The following MOB3C variants were observed in gnomAD, a reference collection of about 807,000 sequenced individuals.
The protein encoded by MOB3C is MOB kinase activator 3C.
MOB3C carries 17 observed loss-of-function variants against 19.8 expected under a neutral mutation model. That is an observed-to-expected ratio of 0.86 (90% confidence interval 0.59 to 1.29). MOB3C has a LOEUF of 1.29. Ranked by LOEUF, MOB3C falls within the 50% of genes most tolerant of loss-of-function variation. The probability of loss-of-function intolerance (pLI) is 0.00; values close to 1 mark genes in which losing one functional copy is unlikely to be tolerated. For synonymous variants in MOB3C, 101 were observed against 119.2 expected, an observed-to-expected ratio of 0.85 and a Z score of 0.99; for missense variants, 291 against 301.9, an observed-to-expected ratio of 0.96 and a Z score of 0.27.
In MOB3C at chr1:46,611,101, G is replaced by C. The variant is rs1024645161; in HGVS notation, c.419-897C>G. On this transcript the variant is annotated intron_variant, in intron 2 of 3. Transcript: ENST00000319928. This position sits in a 1 kb window ranked among gnomAD's most constrained non-coding sequence, Gnocchi z 4.1. Reference sequence around the variant, plus strand: ...CCCAATCCTGGAAATTATGAATTCTGCAAGAGTTAGTTCAGACAGCCCTCA... The same window carrying C: ...CCCAATCCTGGAAATTATGAATTCTCCAAGAGTTAGTTCAGACAGCCCTCA... 6.6e-6 allele frequency among the ~76,000 whole-genome samples: 1 copy of C among 152,156 alleles called. No homozygotes were observed. The highest frequency in any genetic ancestry group is 2.4e-5 in the African/African-American group (1 of 41,430).
rs1461528456 is a variant in MOB3C, at chr1:46,609,479, C to A, written c.*176G>T. The stretch of plus-strand genomic sequence containing the variant: ...CCTAGATGCTCTCCCCTTCTCCATC[C>A]ACAAGCGGTCAGGGCGACAGGTAGG... On this transcript the variant is annotated 3_prime_UTR_variant, in exon 4 of 4. Coordinates refer to ENST00000319928, the MANE Select transcript of MOB3C (RefSeq NM_201403.3). The A allele has an allele frequency of 9.3e-6, 7 of 753,892 alleles. No homozygotes were observed. The Admixed American group carries it at 1.3e-4, about 14-fold the overall frequency. The allele number at this position is 753,892 out of a possible 1,614,324, so 46.7% of individuals were successfully genotyped here.
At chr1:46,614,706 T>C in intron 1 of MOB3C, 1 of 409,958 alleles carries the variant, frequency 2.4e-6, no homozygotes, top group East Asian at 4.2e-5. Context: ...CTTTCTCACA[T>C]CTCTGGTAAC....
At position 46,613,133 on chromosome 1, in the gene MOB3C, G is replaced by A. The variant is rs936571990; in HGVS notation, c.189C>T (p.His63=). 7 of 1,614,146 alleles carry A rather than the reference G, an allele frequency of 4.3e-6. No homozygotes were observed. The highest frequency in any genetic ancestry group is 1.1e-5 in the South Asian group (1 of 91,094). ...TGATGCGGTTGAAGAAGTCCACCAC[G>A]TGCACGGCGATCCAGTCGTCGATGT... The part of the protein sequence containing the change: ...GENIDDWIAV[H]VVDFFNRINL... The change falls in exon 2 of 4, where the codon CAC becomes CAT. Residue 63 remains histidine, a synonymous_variant. Transcript: ENST00000319928.
intron 1 of MOB3C, chr1:46,615,039 AC>A (rs1191601005): frequency 1.2e-6 from 2 of 1,613,018 alleles, no homozygotes; most frequent in Non-Finnish European, 1.7e-6. Context: ...CCAGGGTGGG[AC>A]CCCAGTTTCC....
intron 1 of MOB3C, chr1:46,614,098 TC>T (rs1256596749): frequency 1.3e-5 from 2 of 152,252 alleles, no homozygotes; most frequent in African/African-American, 4.8e-5. Flanking sequence ...AGCCACTGGC[TC>T]CTCCCGTTGC....
chr1:46,610,093 C>T lies in MOB3C; in HGVS notation c.530G>A (p.Gly177Glu). 1 of 1,614,166 alleles carries T rather than the reference C, an allele frequency of 6.2e-7. No homozygotes were observed. The highest frequency in any genetic ancestry group is 8.5e-7 in the Non-Finnish European group (1 of 1,180,028). ...GCAGGTGTTGACGTGCGCCTCTGCC[C>T]CCATGCTGAGGATGCTATCGAAGTG... ...IHHFDSILSM[G>E]AEAHVNTCYK... The change falls in exon 3 of 4, where the codon GGG becomes GAG. Residue 177 changes from glycine to glutamate, a missense_variant. Transcript: ENST00000319928.
chr1:46,609,950 G>C, intron 3 of MOB3C, 52 bp downstream of exon 3: 1 of 1,604,376 alleles, frequency 6.2e-7, no homozygotes, highest in Non-Finnish European at 8.5e-7. Flanking sequence ...TTTTGGACGT[G>C]AAAACTCAGA....
At position 46,609,617 on chromosome 1, in the gene MOB3C, A is replaced by G. The variant is rs1557915119; in HGVS notation, c.*38T>C. On this transcript the variant is annotated 3_prime_UTR_variant, in exon 4 of 4. Transcript: ENST00000319928. ...CCTCTGCCAGCCACCCTATGTTCAG[A>G]TCGTCCATCTGATGGCCAAAAAAGT... The G allele has an allele frequency of 6.2e-7, 1 of 1,613,934 alleles. No individual in the cohort carries two copies. Among genetic ancestry groups the G allele is most frequent in the Non-Finnish European group, 8.5e-7 (1 of 1,179,894 alleles).
Position 46,613,164 on chromosome 1 carries a change from C to T in MOB3C, c.158G>A (p.Gly53Glu). Residue 53 changes from glycine to glutamate, a missense_variant, in exon 2 of 4, where the codon GGG (glycine) becomes GAG (glutamate). Physicochemically the swap from Gly to Glu is moderately conservative, Grantham distance 98. Transcript: ENST00000319928. ...DLRSVVRLPP[G>E]ENIDDWIAVH... Reference sequence around the variant, plus strand: ...GGCGATCCAGTCGTCGATGTTCTCCCCGGGTGGTAGCCTCACCACACTGCG... The same window carrying T: ...GGCGATCCAGTCGTCGATGTTCTCCTCGGGTGGTAGCCTCACCACACTGCG... The T allele has an allele frequency of 6.2e-7, 1 of 1,614,260 alleles. No homozygotes were observed. The highest frequency in any genetic ancestry group is 1.3e-5 in the African/African-American group (1 of 75,074).
intron 1 of MOB3C, chr1:46,615,876 C>T (rs1415129477): frequency 6.5e-6 from 1 of 152,900 alleles, no homozygotes; most frequent in African/African-American, 2.4e-5. Context: ...GGTGTCCTGA[C>T]CAGTGAGCTA....
chr1:46,613,046 G>A lies in MOB3C; in HGVS notation c.276C>T (p.Gly92=). 1.9e-6 allele frequency: 3 copies of A among 1,614,066 alleles called. No homozygotes were observed. Among genetic ancestry groups the A allele is most frequent in the South Asian group, 1.1e-5 (1 of 91,088 alleles). The change falls in exon 2 of 4, where the codon GGC becomes GGT. Residue 92 remains glycine (G), a synonymous_variant. Transcript: ENST00000319928. ...CSETSCPVMA[G]GPRYEYRWQD... is the part of the protein sequence containing the mutation. ...GCCAGCGGTACTCGTAGCGGGGCCC[G>A]CCGGCCATGACCGGGCAGCTGGTCT...
chr1:46,612,044 G>A (rs1248163725), intron 2 of MOB3C, among the ~76,000 whole-genome samples: 1 of 152,170 alleles, frequency 6.6e-6, no homozygotes, highest in African/African-American at 2.4e-5. Flanking sequence ...TGCCTGCTCA[G>A]CTCCTGGACC....
In MOB3C at chr1:46,609,341, T is replaced by C. The variant is rs1675422826; in HGVS notation, c.*314A>G. On this transcript the variant is annotated 3_prime_UTR_variant, in exon 4 of 4. Transcript: ENST00000319928. ...CTCGGCCACACCCACATTCCTCCAA[T>C]AGGCTTGGGAACCAGCATGGAAGGG... 6.5e-6 allele frequency: 3 copies of C among 465,068 alleles called. No individual in the cohort carries two copies. The highest frequency in any genetic ancestry group is 1.2e-5 in the Non-Finnish European group (3 of 253,952). 28.8% of individuals were successfully genotyped at this position (465,068 alleles called of 1,614,324 possible). A position where few individuals can be genotyped will look rare whatever the true frequency, so the allele number is the denominator to read the frequency against.
At chr1:46,615,408 CCTT>C (rs1675543319) in intron 1 of MOB3C, 1 of 302,344 alleles carries the variant, frequency 3.3e-6, no homozygotes, top group South Asian at 7.7e-5. Flanking sequence ...ACTCAGATCT[CCTT>C]CTCCTTGGGT....
At position 46,613,148 on chromosome 1, in the gene MOB3C, G is replaced by A; in HGVS notation, c.174C>T (p.Asp58=). The A allele has an allele frequency of 6.2e-7, 1 of 1,614,276 alleles. No individual in the cohort carries two copies. Among genetic ancestry groups the A allele is most frequent in the South Asian group, 1.1e-5 (1 of 91,090 alleles). Residue 58 remains aspartate (D), a synonymous_variant, in exon 2 of 4, where the codon GAC becomes GAT. Coordinates refer to ENST00000319928, the MANE Select transcript of MOB3C (RefSeq NM_201403.3). The part of the protein sequence containing the change: ...VRLPPGENID[D]WIAVHVVDFF... The stretch of plus-strand genomic sequence containing the variant: ...AGTCCACCACGTGCACGGCGATCCA[G>A]TCGTCGATGTTCTCCCCGGGTGGTA...
chr1:46,615,102 T>C (rs1241403861), intron 1 of MOB3C: 3 of 1,584,290 alleles, frequency 1.9e-6, no homozygotes, highest in East Asian at 2.2e-5. Context: ...TAAACTCTGC[T>C]TGGGGCAAGT....
Position 46,610,033 on chromosome 1 carries a change from CTG to C in MOB3C, c.588_589del (p.Phe196LeufsTer77). ...CTCCAGCTCCCGCTGGTCCACCAGA[CTG>C]AACTCGCGGATGAAGTAGTAGAAGT... On this transcript the variant is annotated frameshift_variant, in exon 3 of 4. Coordinates refer to ENST00000319928, the MANE Select transcript of MOB3C (RefSeq NM_201403.3). LOFTEE classifies it high-confidence loss of function. 6.2e-7 allele frequency: 1 copy of C among 1,614,246 alleles called. No individual in the cohort carries two copies.
intron 2 of MOB3C, among the ~76,000 whole-genome samples, chr1:46,612,312 TCAGCTATGAACA>T (rs1675482371): frequency 1.3e-5 from 2 of 152,084 alleles, no homozygotes; most frequent in South Asian, 4.1e-4. Flanking sequence ...GGAGGTCAAA[TCAGCTATGAACA>T]CCTCGGGGCA....
chr1:46,613,244 C>G lies in MOB3C; in HGVS notation c.78G>C (p.Gln26His), dbSNP rs1557916694. 2 of 1,614,078 alleles carry G rather than the reference C, an allele frequency of 1.2e-6. No individual in the cohort carries two copies. The highest frequency in any genetic ancestry group is 1.7e-6 in the Non-Finnish European group (2 of 1,180,036). ...GTGCCTTCTTGTACAGCTCAAAGCG[C>G]TGTGTGCCCGGCTCAAAGCGCTTCC... Reference protein sequence around the residue: ...RPRKRFEPGTQRFELYKKAQA... With the variant: ...RPRKRFEPGTHRFELYKKAQA... The change falls in exon 2 of 4, where the codon CAG (glutamine) becomes CAC (histidine). Residue 26 changes from glutamine (Q) to histidine (H), a missense_variant. By Grantham distance (24) the Gln-to-His change is conservative (BLOSUM62 0). Coordinates refer to ENST00000319928, the MANE Select transcript of MOB3C (RefSeq NM_201403.3).
Sources: gnomAD v4.1 joint callset for allele counts (sites outside exome capture counted in the v4.1 genomes callset) on GRCh38, gnomAD v4.1.1 for gene constraint, Gnocchi (gnomAD v3.1) non-coding constraint, MANE v1.5 for transcripts, NCBI Gene and HGNC (gene_info 2026-07-23, HGNC 2026-07-21) for gene names.